The following RAP1A variants were observed in gnomAD, a reference collection of about 807,000 sequenced individuals.
RAP1A encodes the protein ras-related protein Rap-1A.
In RAP1A, 6 loss-of-function variants were observed where a neutral mutation model predicts 26.4. That is an observed-to-expected ratio of 0.23 (90% CI 0.12 to 0.45). RAP1A has a LOEUF of 0.45. Ranked by LOEUF, RAP1A falls within the 20% of genes least tolerant of loss-of-function variation. The pLI is 0.99. For missense variants in RAP1A, 121 were observed against 217.2 expected, an observed-to-expected ratio of 0.56 and a Z score of 2.78; for synonymous variants, 73 against 79.4, an observed-to-expected ratio of 0.92 and a Z score of 0.43.
intron 2 of RAP1A, among the ~76,000 whole-genome samples, chr1:111,692,132 G>A (rs1026244207): frequency 6.6e-6 from 1 of 152,134 alleles, no homozygotes; most frequent in Non-Finnish European, 1.5e-5. Flanking sequence ...TTGAGTAAGT[G>A]GTAGAACTGA....
intron 1 of RAP1A, among the ~76,000 whole-genome samples, chr1:111,564,276 C>A (rs1369283878): frequency 6.6e-6 from 1 of 152,186 alleles, no homozygotes; most frequent in Non-Finnish European, 1.5e-5. Context: ...ATTCCCTAAC[C>A]TTCCCTGTGA....
chr1:111,702,655 C>T (rs543980098), intron 4 of RAP1A, among the ~76,000 whole-genome samples: 15 of 151,912 alleles, frequency 9.9e-5, no homozygotes, highest in Admixed American at 2.6e-4. Flanking sequence ...GCAACCTCCA[C>T]CTCCCGGGTT....
intron 1 of RAP1A, among the ~76,000 whole-genome samples, chr1:111,681,492 A>C (rs1425024827): frequency 1.3e-5 from 2 of 152,248 alleles, no homozygotes; most frequent in East Asian, 3.8e-4. Context: ...TAACCAGTTT[A>C]GAGAAGAACA....
intron 4 of RAP1A, among the ~76,000 whole-genome samples, chr1:111,701,801 G>C (rs1662031123): frequency 6.6e-6 from 1 of 152,200 alleles, no homozygotes; most frequent in Non-Finnish European, 1.5e-5. Context: ...AGTATTTGTA[G>C]CACTTAACAT....
chr1:111,670,468 C>CT (rs1375386332), intron 1 of RAP1A, among the ~76,000 whole-genome samples: 1 of 152,002 alleles, frequency 6.6e-6, no homozygotes, highest in Non-Finnish European at 1.5e-5. Flanking sequence ...AGTTGAGACT[C>CT]TGTCTCAAAC....
chr1:111,548,764 G>A (rs944600994), intron 1 of RAP1A, among the ~76,000 whole-genome samples: 6 of 152,080 alleles, frequency 3.9e-5, no homozygotes, highest in Admixed American at 6.5e-5. Context: ...TCTTTGGGGC[G>A]TTGTCCCCAT....
intron 1 of RAP1A, among the ~76,000 whole-genome samples, chr1:111,682,128 A>G (rs931365472): frequency 6.6e-6 from 1 of 151,910 alleles, no homozygotes; most frequent in Non-Finnish European, 1.5e-5. Flanking sequence ...AAAATCCTTT[A>G]CAGACAAGCA....
intron 1 of RAP1A, among the ~76,000 whole-genome samples, chr1:111,676,387 G>A (rs1249563193): frequency 6.6e-6 from 1 of 151,686 alleles, no homozygotes; most frequent in Non-Finnish European, 1.5e-5. Context: ...TTTGGGTGGG[G>A]ACACAGAGCC....
At chr1:111,570,330 G>A (rs911950613) in intron 1 of RAP1A, among the ~76,000 whole-genome samples, 2 of 152,194 alleles carry the variant, frequency 1.3e-5, no homozygotes, top group Non-Finnish European at 2.9e-5. Flanking sequence ...AAGGTTGAAG[G>A]TTGGGCACCT....
At chr1:111,647,357 T>C (rs1226321413) in intron 1 of RAP1A, among the ~76,000 whole-genome samples, 2 of 152,186 alleles carry the variant, frequency 1.3e-5, no homozygotes, top group Admixed American at 1.3e-4. Flanking sequence ...GTGAGCTGTA[T>C]AATTGTTTCA....
intron 6 of RAP1A, among the ~76,000 whole-genome samples, chr1:111,708,102 G>A (rs1298383235): frequency 6.6e-6 from 1 of 152,184 alleles, no homozygotes; most frequent in Non-Finnish European, 1.5e-5. Flanking sequence ...CTTGAGCCTG[G>A]GAAGTGGAAG....
intron 1 of RAP1A, among the ~76,000 whole-genome samples, chr1:111,588,210 T>C (rs567612992): frequency 6.6e-6 from 1 of 152,316 alleles, no homozygotes; most frequent in African/African-American, 2.4e-5. Context: ...CACATCTGAT[T>C]GGTTACTTAG....
chr1:111,576,418 C>T (rs1175208869), intron 1 of RAP1A, among the ~76,000 whole-genome samples: 2 of 152,054 alleles, frequency 1.3e-5, no homozygotes, highest in Non-Finnish European at 2.9e-5. Context: ...TAATTCAGGA[C>T]CATGGAGTTA....
chr1:111,677,017 C>T (rs1661148689), intron 1 of RAP1A, among the ~76,000 whole-genome samples: 1 of 152,240 alleles, frequency 6.6e-6, no homozygotes, highest in Non-Finnish European at 1.5e-5. Context: ...CGGTCTCGAA[C>T]TCCTGACCTC....
chr1:111,695,343 A>G lies in RAP1A; in HGVS notation c.60A>G (p.Thr20=), dbSNP rs1393706630. ...ATTTCTCTTTTTTTTTCCCCCAGAC[A>G]GTTCAGTTTGTTCAGGGAATTTTTG... The part of the protein sequence containing the change: ...GSGGVGKSAL[T]VQFVQGIFVE... The change falls in exon 3 of 8, where the codon ACA becomes ACG. Residue 20 remains threonine, a splice_region_variant and synonymous_variant. Coordinates refer to ENST00000369709, the MANE Select transcript of RAP1A (RefSeq NM_002884.4). 2 of 1,567,870 alleles carry G rather than the reference A, an allele frequency of 1.3e-6. No individual in the cohort carries two copies. The highest frequency in any genetic ancestry group is 1.7e-6 in the Non-Finnish European group (2 of 1,162,710).
At chr1:111,650,025 A>G (rs540530942) in intron 1 of RAP1A, among the ~76,000 whole-genome samples, 1 of 150,808 alleles carries the variant, frequency 6.6e-6, no homozygotes, top group African/African-American at 2.4e-5. Context: ...TTTAATAGTG[A>G]AAACTTGGTT....
chr1:111,625,582 A>G (rs546575098), intron 1 of RAP1A, among the ~76,000 whole-genome samples: 1 of 152,340 alleles, frequency 6.6e-6, no homozygotes, highest in Admixed American at 6.5e-5. Context: ...CAAGTTGGCT[A>G]TATTATAAAA....
chr1:111,563,931 G>T (rs768379061), intron 1 of RAP1A: 1 of 1,613,596 alleles, frequency 6.2e-7, no homozygotes, highest in Non-Finnish European at 8.5e-7. Context: ...TGCTCAATGG[G>T]TCCTGCTGGA....
chr1:111,682,819 C>A (rs559507083), intron 1 of RAP1A, among the ~76,000 whole-genome samples: 11 of 152,250 alleles, frequency 7.2e-5, no homozygotes, highest in Admixed American at 5.2e-4. Flanking sequence ...CTGGACCAAG[C>A]GGACCTAATA....
Sources: allele counts gnomAD v4.1 joint callset (sites outside exome capture counted in the v4.1 genomes callset), GRCh38; gene constraint gnomAD v4.1.1; transcripts MANE v1.5; gene names NCBI Gene and HGNC (gene_info 2026-07-23, HGNC 2026-07-21).